The following KDM2B variants were observed in gnomAD, a reference collection of about 807,000 sequenced individuals.
The protein encoded by KDM2B is lysine demethylase 2B, also known as lysine-specific demethylase 2B.
KDM2B carries 26 observed loss-of-function variants against 150.0 expected under a neutral mutation model. The observed-to-expected ratio is 0.17, with a 90% CI of 0.13 to 0.24. The LOEUF (loss-of-function observed/expected upper bound fraction) is 0.24. Among genes scored for constraint, KDM2B ranks in the 10% least tolerant of loss-of-function variants. The probability of loss-of-function intolerance (pLI) is 1.00; values close to 1 mark genes in which losing one functional copy is unlikely to be tolerated. For synonymous variants in KDM2B, 734 were observed against 729.5 expected, an observed-to-expected ratio of 1.01 and a Z score of -0.10; for missense variants, 1,265 against 1,816.9, an observed-to-expected ratio of 0.70 and a Z score of 5.52.
Position 121,467,533 on chromosome 12 carries a change from G to A in KDM2B, c.1735-14189C>T, listed in dbSNP as rs1555295135. ...AAGGGAGCCCGGCCTGCGGTGACAC[G>A]GGGGCGGGCCGCCGAGGGCGGTCCC... is the stretch of plus-strand genomic sequence containing the variant. On this transcript the variant is annotated intron_variant, in intron 12 of 22. Transcript: ENST00000377071. The surrounding 1 kb of genome is among the most constrained non-coding windows in gnomAD (Gnocchi z 5.1). The A allele has an allele frequency of 5.7e-6, 1 of 174,734 alleles. No homozygotes were observed. The highest frequency in any genetic ancestry group is 2.4e-5 in the African/African-American group (1 of 41,346). The allele number at this position is 174,734 out of a possible 1,614,324, so 10.8% of individuals were successfully genotyped here. A position where few individuals can be genotyped will look rare whatever the true frequency, so the allele number is the denominator to read the frequency against.
intron 22 of KDM2B, among the ~76,000 whole-genome samples, chr12:121,431,895 T>TTC (rs1873109073): frequency 6.7e-6 from 1 of 150,192 alleles, no homozygotes; most frequent in African/African-American, 2.5e-5. Flanking sequence ...TTTTTTTTTT[T>TTC]TGGAGATGAT....
intron 8 of KDM2B, among the ~76,000 whole-genome samples, chr12:121,525,332 T>C (rs1304254458): frequency 6.6e-6 from 1 of 152,132 alleles, no homozygotes; most frequent in Admixed American, 6.6e-5. Flanking sequence ...AGTGGTGCCA[T>C]CTCGGCTCAC....
chr12:121,542,462 T>C (rs1349518652), intron 6 of KDM2B, among the ~76,000 whole-genome samples: 2 of 152,182 alleles, frequency 1.3e-5, no homozygotes, highest in Admixed American at 6.5e-5. Flanking sequence ...AACACAAGCT[T>C]ATAAGAGACC....
chr12:121,581,594 G>A (rs1394903431), upstream of KDM2B, among the ~76,000 whole-genome samples: 3 of 152,220 alleles, frequency 2.0e-5, no homozygotes, highest in African/African-American at 7.2e-5. Flanking sequence ...TAAAGATGCT[G>A]ATAAAATGAC....
Position 121,522,682 on chromosome 12 carries a change from C to T in KDM2B, c.932-1582G>A, listed in dbSNP as rs184163321. Among the ~76,000 whole-genome samples the T allele has an allele frequency of 1.8e-3, 270 of 151,878 alleles. 2 individuals are homozygous for T. Among genetic ancestry groups the T allele is most frequent in the Non-Finnish European group, 2.9e-4 (20 of 67,956 alleles). ...GGTCAATATGGCGAAACCCCGTCTC[C>T]ACTAAAAATACAAAAATTAGCCAGG... On this transcript the variant is annotated intron_variant, in intron 8 of 22. Transcript: ENST00000377071.
intron 12 of KDM2B, among the ~76,000 whole-genome samples, chr12:121,483,055 C>T (rs1371089959): frequency 2.6e-5 from 4 of 151,936 alleles, no homozygotes; most frequent in South Asian, 2.1e-4. Flanking sequence ...CCCAGCTACT[C>T]GGGAGGCTGA....
intron 13 of KDM2B, among the ~76,000 whole-genome samples, chr12:121,445,987 T>TGCA (rs1555290185): frequency 6.6e-6 from 1 of 152,220 alleles, no homozygotes; most frequent in Non-Finnish European, 1.5e-5. Flanking sequence ...ATTTGCCTTT[T>TGCA]GCACAGTATT....
chr12:121,447,721 T>C (rs1336419171), intron 13 of KDM2B, among the ~76,000 whole-genome samples: 2 of 151,944 alleles, frequency 1.3e-5, no homozygotes, highest in Admixed American at 6.6e-5. Context: ...TGGAGTGCAG[T>C]GACATGATCT....
intron 12 of KDM2B, among the ~76,000 whole-genome samples, chr12:121,481,673 G>A (rs967603377): frequency 3.3e-5 from 5 of 152,224 alleles, no homozygotes; most frequent in African/African-American, 9.6e-5. Flanking sequence ...CCAAGCAATC[G>A]GTTATAGTAC....
chr12:121,578,255 A>C (rs1395465641), intron 2 of KDM2B, among the ~76,000 whole-genome samples: 1 of 152,160 alleles, frequency 6.6e-6, no homozygotes, highest in Non-Finnish European at 1.5e-5. Flanking sequence ...GGCAGAGCCC[A>C]TGGGGGAATG....
At chr12:121,454,568 T>C (rs1485200637) in intron 12 of KDM2B, among the ~76,000 whole-genome samples, 1 of 152,098 alleles carries the variant, frequency 6.6e-6, no homozygotes, top group Admixed American at 6.5e-5. Context: ...CTGGGACCTG[T>C]AGTGGGAGGG....
At chr12:121,556,793 AG>A (rs1555312801) in intron 4 of KDM2B, among the ~76,000 whole-genome samples, 1 of 151,810 alleles carries the variant, frequency 6.6e-6, no homozygotes, top group East Asian at 1.9e-4. Flanking sequence ...CGGAGGTTGC[AG>A]TGAGCTGAGA....
At chr12:121,410,154 C>CAA in the KDM2B span, among the ~76,000 whole-genome samples, 1 of 149,016 alleles carries the variant, frequency 6.7e-6, no homozygotes, top group African/African-American at 2.5e-5. Flanking sequence ...AACTCCGTCT[C>CAA]AAAAAAAAAG....
At chr12:121,424,671 A>G (rs1872420857), downstream of KDM2B, among the ~76,000 whole-genome samples, 1 of 151,206 alleles carries the variant, frequency 6.6e-6, no homozygotes, top group Non-Finnish European at 1.5e-5. Flanking sequence ...AGATCACACC[A>G]CTGAAATCCA....
chr12:121,516,867 G>GAA (rs11433051), intron 9 of KDM2B: 38,451 of 547,488 alleles, frequency 0.07, 795 homozygotes, highest in African/African-American at 0.2. Context: ...TTTTCTCCTG[G>GAA]AAAAAAAAAA....
At chr12:121,580,566 G>A in intron 1 of KDM2B, 1 of 1,021,372 alleles carries the variant, frequency 9.8e-7, no homozygotes, top group Non-Finnish European at 1.3e-6. Context: ...CCCGGAGATG[G>A]CGGGGCAGGG....
Position 121,579,755 on chromosome 12 carries a change from G to A in KDM2B, c.127-809C>T, listed in dbSNP as rs541579576. 5,157 of 1,098,890 alleles carry A rather than the reference G, an allele frequency of 4.7e-3. 16 individuals carry two copies. Among genetic ancestry groups the A allele is most frequent in the Non-Finnish European group, 5.3e-3 (4,592 of 872,326 alleles). The allele number at this position is 1,098,890 out of a possible 1,614,324, so 68.1% of individuals were successfully genotyped here. A position where few individuals can be genotyped will look rare whatever the true frequency, so the allele number is the denominator to read the frequency against. ...GCCCCCCAGATTCCGGGCGAACCCCGAGCCCGCTCAGCCCCCCTCCACGCC... is the reference window on the plus strand; with the variant it reads ...GCCCCCCAGATTCCGGGCGAACCCCAAGCCCGCTCAGCCCCCCTCCACGCC... On this transcript the variant is annotated intron_variant, in intron 1 of 22. Coordinates refer to ENST00000377071, the MANE Select transcript of KDM2B (RefSeq NM_032590.5).
intron 8 of KDM2B, among the ~76,000 whole-genome samples, chr12:121,528,959 G>A (rs1337905824): frequency 6.6e-6 from 1 of 152,168 alleles, no homozygotes; most frequent in Non-Finnish European, 1.5e-5. Flanking sequence ...AAAAGAGAGG[G>A]AAAGAGAGAA....
intron 4 of KDM2B, among the ~76,000 whole-genome samples, chr12:121,553,654 C>T (rs1251473143): frequency 6.6e-6 from 1 of 152,040 alleles, no homozygotes; most frequent in Admixed American, 6.6e-5. Flanking sequence ...AGGTAGGTAG[C>T]GTTACCGAGT....
Sources: gnomAD v4.1 joint callset for allele counts (sites outside exome capture counted in the v4.1 genomes callset) on GRCh38, gnomAD v4.1.1 for gene constraint, Gnocchi (gnomAD v3.1) non-coding constraint, MANE v1.5 for transcripts, NCBI Gene and HGNC (gene_info 2026-07-23, HGNC 2026-07-21) for gene names.